Variants in EFNA5 observed in about 807,000 individuals in gnomAD.
EFNA5 encodes the protein ephrin A5.
Under a neutral mutation model 22.9 loss-of-function variants are expected in EFNA5, and 5 were observed. The ratio of observed to expected loss-of-function variants is 0.22; its 90% CI spans 0.11 to 0.46. EFNA5 has a LOEUF of 0.46. EFNA5 is among the 20% of genes least tolerant of loss of function. EFNA5 has a pLI of 0.99. For synonymous variants in EFNA5, 113 were observed against 112.2 expected (o/e 1.01, Z -0.04); for missense variants, 237 against 293.3 (o/e 0.81, Z 1.40).
At chr5:107,581,287 T>G (rs1749069180) in intron 1 of EFNA5, among the ~76,000 whole-genome samples, 1 of 152,186 alleles carries the variant, frequency 6.6e-6, no homozygotes, top group Non-Finnish European at 1.5e-5. Context: ...AATAATTTAG[T>G]CTACCTCTTT....
chr5:107,573,806 C>T (rs1015447509), intron 1 of EFNA5, among the ~76,000 whole-genome samples: 12 of 152,094 alleles, frequency 7.9e-5, no homozygotes, highest in African/African-American at 2.2e-4. Context: ...AGTTTTAGAA[C>T]GAACAAAATC....
chr5:107,386,473 T>A (rs1371063798), intron 4 of EFNA5, among the ~76,000 whole-genome samples: 2 of 152,230 alleles, frequency 1.3e-5, no homozygotes, highest in Non-Finnish European at 2.9e-5. Flanking sequence ...TGCGACAGAC[T>A]AATGCCTCAA....
chr5:107,513,605 C>T (rs153101), intron 1 of EFNA5, among the ~76,000 whole-genome samples: 67,566 of 152,010 alleles, frequency 0.44, 16,922 homozygotes, highest in African/African-American at 0.69. Flanking sequence ...GACACCCCAC[C>T]GAAATCAACT....
At chr5:107,487,678 T>C (rs1561408589) in intron 1 of EFNA5, among the ~76,000 whole-genome samples, 1 of 152,284 alleles carries the variant, frequency 6.6e-6, no homozygotes, top group African/African-American at 2.4e-5. Flanking sequence ...AGCAGCAAAA[T>C]GATAATTTTG....
rs141771707 is a variant in EFNA5, at chr5:107,393,238, C to T, written c.419-5467G>A. On this transcript the variant is annotated intron_variant, in intron 2 of 4. Transcript: ENST00000333274. ...AAACTTTTCTTACTACCAAAAAACT[C>T]CTATTAGTTATCTTCTACACAGGCC... is the stretch of plus-strand genomic sequence containing the variant. Among the ~76,000 whole-genome samples the T allele has an allele frequency of 6.7e-3, 1,023 of 152,190 alleles. 17 individuals carry two copies. The highest frequency in any genetic ancestry group is 0.024 in the African/African-American group (988 of 41,528).
At chr5:107,450,306 A>G (rs1327082869) in intron 1 of EFNA5, among the ~76,000 whole-genome samples, 1 of 152,174 alleles carries the variant, frequency 6.6e-6, no homozygotes, top group Non-Finnish European at 1.5e-5. Flanking sequence ...TCTAGATGAC[A>G]GCAAAATCTT....
chr5:107,619,441 T>C (rs1017192011), intron 1 of EFNA5, among the ~76,000 whole-genome samples: 3 of 151,838 alleles, frequency 2.0e-5, no homozygotes, highest in African/African-American at 7.3e-5. Flanking sequence ...CATGCTCCTT[T>C]CTGAATTCTA....
At chr5:107,491,944 C>T (rs1746817105) in intron 1 of EFNA5, among the ~76,000 whole-genome samples, 1 of 152,184 alleles carries the variant, frequency 6.6e-6, no homozygotes, top group Admixed American at 6.5e-5. Context: ...AAGCGATTCT[C>T]ATGCTTCAGC....
chr5:107,572,896 T>G (rs553158577), intron 1 of EFNA5, among the ~76,000 whole-genome samples: 5 of 152,324 alleles, frequency 3.3e-5, no homozygotes, highest in African/African-American at 9.6e-5. Context: ...TCAGAATTGG[T>G]GCATTCAATG....
At chr5:107,641,363 A>C (rs1052434053) in intron 1 of EFNA5, among the ~76,000 whole-genome samples, 1 of 152,092 alleles carries the variant, frequency 6.6e-6, no homozygotes, top group Non-Finnish European at 1.5e-5. Context: ...GTCTCAAAAA[A>C]AAAAAAAATG....
chr5:107,570,923 A>G (rs1418117031), intron 1 of EFNA5, among the ~76,000 whole-genome samples: 2 of 152,152 alleles, frequency 1.3e-5, no homozygotes, highest in East Asian at 1.9e-4. Context: ...AAAACAAACG[A>G]AAGTAAACTC....
intron 1 of EFNA5, among the ~76,000 whole-genome samples, chr5:107,447,046 A>G (rs1166012255): frequency 6.6e-6 from 1 of 152,222 alleles, no homozygotes; most frequent in Non-Finnish European, 1.5e-5. Context: ...ACGCATTAAC[A>G]TATTTTCATC....
intron 2 of EFNA5, among the ~76,000 whole-genome samples, chr5:107,389,255 T>G (rs556082648): frequency 6.6e-6 from 1 of 152,346 alleles, no homozygotes; most frequent in African/African-American, 2.4e-5. Context: ...TTACAGTAAC[T>G]AGTGTGTTAT....
rs1750521259 is a variant in EFNA5, at chr5:107,482,866, CTCTCTATATATATATA to C, written c.126-55373_126-55358del. Among the ~76,000 whole-genome samples, 56 of 43,312 alleles carry C rather than the reference CTCTCTATATATATATA, an allele frequency of 1.3e-3. 1 individual carries two copies. Among genetic ancestry groups the C allele is most frequent in the Admixed American group, 3.5e-3 (16 of 4,636 alleles). 28.4% of individuals were successfully genotyped at this position (43,312 alleles called of 152,430 possible). A position where few individuals can be genotyped will look rare whatever the true frequency, so the allele number is the denominator to read the frequency against. On this transcript the variant is annotated intron_variant, in intron 1 of 4. Transcript: ENST00000333274. ...TCTCTCTCTCTCTCTCTCTCTCTCT[CTCTCTATATATATATA>C]TATATATATATACATACATATATAC...
rs913544244 is a variant in EFNA5 at position 107,552,041 on chromosome 5, GT to G, written c.125+118447del. Among the ~76,000 whole-genome samples the G allele has an allele frequency of 1.0e-3, 152 of 149,316 alleles. 1 individual carries two copies. Among genetic ancestry groups the G allele is most frequent in the African/African-American group, 3.6e-3 (147 of 40,812 alleles). On this transcript the variant is annotated intron_variant, in intron 1 of 4. Coordinates refer to ENST00000333274, the MANE Select transcript of EFNA5 (RefSeq NM_001962.3). Reference sequence around the variant, plus strand: ...CTCTTCTCCTTCTATTGAGACTCAAGTTTTTTTTTTCAATATTGCCAAATGC... The same window carrying G: ...CTCTTCTCCTTCTATTGAGACTCAAGTTTTTTTTTCAATATTGCCAAATGC...
At chr5:107,539,554 G>C (rs771525647) in intron 1 of EFNA5, among the ~76,000 whole-genome samples, 15 of 152,188 alleles carry the variant, frequency 9.9e-5, no homozygotes, top group Non-Finnish European at 1.0e-4. Context: ...TGCCTCCCGG[G>C]TTCTAGCAAC....
intron 1 of EFNA5, among the ~76,000 whole-genome samples, chr5:107,571,539 C>CT (rs34655229): frequency 0.44 from 64,248 of 146,760 alleles, 13,871 homozygotes; most frequent in Middle Eastern, 0.54. Flanking sequence ...GGGTCATCCT[C>CT]TTTTTTTTTT....
intron 1 of EFNA5, among the ~76,000 whole-genome samples, chr5:107,666,678 G>A (rs1366317414): frequency 6.6e-6 from 1 of 152,006 alleles, no homozygotes; most frequent in Non-Finnish European, 1.5e-5. Flanking sequence ...AAAGTGTGTT[G>A]GTCATATTTG....
intron 1 of EFNA5, among the ~76,000 whole-genome samples, chr5:107,478,035 G>A (rs955127353): frequency 3.3e-5 from 5 of 151,998 alleles, no homozygotes; most frequent in South Asian, 2.1e-4. Flanking sequence ...CCCTAGGAAG[G>A]AAAAAGCCTG....
Sources: allele counts gnomAD v4.1 joint callset (sites outside exome capture counted in the v4.1 genomes callset), GRCh38; gene constraint gnomAD v4.1.1; transcripts MANE v1.5; gene names NCBI Gene and HGNC (gene_info 2026-07-23, HGNC 2026-07-21).